The following SH3KBP1 variants were observed in gnomAD, a reference collection of about 807,000 sequenced individuals.
SH3KBP1 encodes SH3 domain-containing kinase-binding protein 1.
A neutral mutation model predicts 50.1 loss-of-function variants in SH3KBP1; 8 were observed. The ratio of observed to expected loss-of-function variants is 0.16; its 90% CI spans 0.09 to 0.29. The LOEUF (loss-of-function observed/expected upper bound fraction) is 0.29, where lower values mean the gene tolerates loss of function less well. Ranked by LOEUF, SH3KBP1 falls within the 10% of genes least tolerant of loss-of-function variation. SH3KBP1 has a pLI of 1.00. For synonymous variants in SH3KBP1, 227 were observed against 218.6 expected (o/e 1.04, Z -0.34); for missense variants, 377 against 535.2 (o/e 0.70, Z 2.92).
intron 1 of SH3KBP1, among the ~76,000 whole-genome samples, chrX:19,837,462 C>CTTTTTTTTTT (rs777871798): frequency 2.7e-5 from 2 of 72,753 alleles, no homozygotes; most frequent in Non-Finnish European, 4.9e-5. Flanking sequence ...TTTCATAACA[C>CTTTTTTTTTT]TTTTTTTTTT....
In SH3KBP1 at chrX:19,887,501, T is replaced by C. The variant is rs754590937; in HGVS notation, c.-191A>G. On this transcript the variant is annotated 5_prime_UTR_variant, in exon 1 of 18. Transcript: ENST00000397821. ...CGCCCGCTGCTGCCTCTGCTGCTGC[T>C]GCCGCTGCTGCCCCGGGGCGACTCC... is the stretch of plus-strand genomic sequence containing the variant. The C allele has an allele frequency of 1.4e-5, 4 of 276,216 alleles. No homozygotes were observed. The Admixed American group carries it at 2.1e-4, about 14-fold the overall frequency. The allele number at this position is 276,216 out of a possible 1,213,427, so 22.8% of individuals were successfully genotyped here. A position where few individuals can be genotyped will look rare whatever the true frequency, so the allele number is the denominator to read the frequency against.
intron 12 of SH3KBP1, among the ~76,000 whole-genome samples, chrX:19,570,590 T>G (rs999026733): frequency 9.0e-6 from 1 of 111,180 alleles, no homozygotes; most frequent in Non-Finnish European, 1.9e-5. Flanking sequence ...GGAGGTCAGG[T>G]CAGGGCAGGT....
intron 2 of SH3KBP1, among the ~76,000 whole-genome samples, chrX:19,773,856 GAAAAAA>G (rs59381892): frequency 6.7e-5 from 1 of 14,922 alleles, no homozygotes; most frequent in Non-Finnish European, 1.1e-4. Flanking sequence ...ACTCCGGCTC[GAAAAAA>G]AAAAAAAAAA....
At chrX:19,760,399 T>C (rs1389503758) in intron 2 of SH3KBP1, among the ~76,000 whole-genome samples, 1 of 68,281 alleles carries the variant, frequency 1.5e-5, no homozygotes, top group Non-Finnish European at 3.2e-5. Context: ...AATAAATAAA[T>C]ACATACATAC....
chrX:19,887,278 A>G, intron 1 of SH3KBP1, 29 bp downstream of exon 1: 1 of 970,985 alleles, frequency 1.0e-6, no homozygotes, highest in Middle Eastern at 4.1e-4. Context: ...GCTGAAGTGG[A>G]CGCCCGGACG....
chrX:19,872,072 T>C (rs1220121928), intron 1 of SH3KBP1, among the ~76,000 whole-genome samples: 1 of 107,678 alleles, frequency 9.3e-6, no homozygotes, highest in East Asian at 2.9e-4. Flanking sequence ...GCCAATATGG[T>C]GAAACCCTGT....
intron 6 of SH3KBP1, among the ~76,000 whole-genome samples, chrX:19,660,372 C>A (rs1412605858): frequency 1.8e-5 from 2 of 112,458 alleles, no homozygotes; most frequent in Non-Finnish European, 3.8e-5. Context: ...CTTTTTGAAA[C>A]AGCAGGTTAA....
chrX:19,563,556 G>A (rs926568434), intron 13 of SH3KBP1, among the ~76,000 whole-genome samples: 5 of 112,368 alleles, frequency 4.4e-5, no homozygotes, highest in Non-Finnish European at 9.4e-5. Flanking sequence ...TGTATAAAGC[G>A]TTTGACCCTC....
At chrX:19,619,714 A>C (rs1188182515) in intron 8 of SH3KBP1, among the ~76,000 whole-genome samples, 1 of 111,878 alleles carries the variant, frequency 8.9e-6, no homozygotes, top group African/African-American at 3.2e-5. Context: ...CCCAGGAGGC[A>C]GAAGTTGCAG....
At chrX:19,791,054 A>G (rs2066514123) in intron 2 of SH3KBP1, among the ~76,000 whole-genome samples, 1 of 111,390 alleles carries the variant, frequency 9.0e-6, no homozygotes, top group Non-Finnish European at 1.9e-5. Context: ...CCCCCTGAGT[A>G]TGCTCAAGGC....
chrX:19,645,249 G>T (rs2061964252), intron 7 of SH3KBP1, 151 bp downstream of exon 7: 2 of 487,766 alleles, frequency 4.1e-6, no homozygotes, highest in Non-Finnish European at 7.2e-6. Flanking sequence ...CACCCTAATG[G>T]TGGGGAATTG....
intron 4 of SH3KBP1, among the ~76,000 whole-genome samples, chrX:19,698,032 C>T (rs1020430378): frequency 3.6e-5 from 4 of 111,919 alleles, no homozygotes; most frequent in Admixed American, 1.9e-4. Flanking sequence ...GTTTCTATGC[C>T]AACTCAACTG....
intron 11 of SH3KBP1, 53 bp downstream of exon 11, chrX:19,592,014 A>G: frequency 2.0e-6 from 2 of 991,237 alleles, no homozygotes; most frequent in South Asian, 3.8e-5. Context: ...CGTGTAACAG[A>G]CAGCTTCAGC....
At chrX:19,666,222 C>T in intron 6 of SH3KBP1, among the ~76,000 whole-genome samples, 1 of 110,365 alleles carries the variant, frequency 9.1e-6, no homozygotes, top group Non-Finnish European at 1.9e-5. Flanking sequence ...TAGCTTTATC[C>T]ACTACGTAAG....
intron 1 of SH3KBP1, among the ~76,000 whole-genome samples, chrX:19,869,934 C>T (rs1046546526): frequency 1.2e-4 from 13 of 112,057 alleles, no homozygotes; most frequent in Non-Finnish European, 2.4e-4. Context: ...CACACATACA[C>T]CAGAGACATT....
In SH3KBP1 at chrX:19,556,394, G is replaced by A. The variant is rs759502420; in HGVS notation, c.1385-6311C>T. On this transcript the variant is annotated intron_variant, in intron 13 of 17. Transcript: ENST00000397821. ...ACACCATGAGGTAGTCTGAATGGGA[G>A]GAGGAAGTCTCGCTCCATGCCTCAG... Among the ~76,000 whole-genome samples, 6 of 110,413 alleles carry A rather than the reference G, an allele frequency of 5.4e-5. No homozygotes were observed. In the East Asian group the frequency reaches 1.7e-3, roughly 31 times the overall value.
chrX:19,573,053 T>G (rs996333535), intron 12 of SH3KBP1, among the ~76,000 whole-genome samples: 5 of 111,807 alleles, frequency 4.5e-5, no homozygotes, highest in African/African-American at 1.6e-4. Flanking sequence ...CTAGTGAACA[T>G]TTGCCAGATT....
chrX:19,588,627 G>A lies in SH3KBP1; in HGVS notation c.1298+16C>T. The A allele has an allele frequency of 8.3e-7, 1 of 1,207,255 alleles. No homozygotes were observed. The highest frequency in any genetic ancestry group is 1.1e-6 in the Non-Finnish European group (1 of 893,444). Reference sequence around the variant, plus strand: ...GCCACCCCACACCCGCCCCGGAGGTGAGAGCACAGCAGTACCTGGTGTGTG... The same window carrying A: ...GCCACCCCACACCCGCCCCGGAGGTAAGAGCACAGCAGTACCTGGTGTGTG... On this transcript the variant is annotated intron_variant, in intron 12 of 17. Coordinates refer to ENST00000397821, the MANE Select transcript of SH3KBP1 (RefSeq NM_031892.3).
chrX:19,776,007 G>A (rs187701297), intron 2 of SH3KBP1, among the ~76,000 whole-genome samples: 77 of 111,247 alleles, frequency 6.9e-4, no homozygotes, highest in East Asian at 1.7e-3. Context: ...CATGGTGTCC[G>A]CAGGGAGCTC....
Sources: allele counts gnomAD v4.1 joint callset (sites outside exome capture counted in the v4.1 genomes callset), GRCh38; gene constraint gnomAD v4.1.1; transcripts MANE v1.5; gene names NCBI Gene and HGNC (gene_info 2026-07-23, HGNC 2026-07-21).